The following ZNF804A variants were observed in gnomAD, a reference collection of about 807,000 sequenced individuals.
The protein encoded by ZNF804A is zinc finger protein 804A.
ZNF804A carries 2 observed loss-of-function variants against 16.5 expected under a neutral mutation model. The ratio of observed to expected loss-of-function variants is 0.12; its 90% CI spans 0.05 to 0.38. ZNF804A has a LOEUF of 0.38. ZNF804A is among the 10% of genes least tolerant of loss of function. The pLI is 0.99. For synonymous variants in ZNF804A, 534 were observed against 489.6 expected (o/e 1.09, Z -1.20); for missense variants, 1,473 against 1,390.7 (o/e 1.06, Z -0.94).
At chr2:184,868,808 C>G (rs992617877) in intron 2 of ZNF804A, among the ~76,000 whole-genome samples, 7 of 151,874 alleles carry the variant, frequency 4.6e-5, no homozygotes, top group African/African-American at 1.7e-4. Flanking sequence ...ATACTTAAGA[C>G]AAAGCAAATG....
intron 1 of ZNF804A, among the ~76,000 whole-genome samples, chr2:184,846,350 C>T (rs1327802995): frequency 6.6e-6 from 1 of 152,056 alleles, no homozygotes; most frequent in African/African-American, 2.4e-5. Flanking sequence ...CATTATATGC[C>T]TTTTTTCTAC....
chr2:184,899,863 TTTC>T (rs1358502411), intron 2 of ZNF804A, among the ~76,000 whole-genome samples: 1 of 151,974 alleles, frequency 6.6e-6, no homozygotes. Context: ...GATTGTCGTT[TTTC>T]TAATGTTGCA....
intron 1 of ZNF804A, among the ~76,000 whole-genome samples, chr2:184,796,044 T>A (rs996134016): frequency 7.2e-5 from 11 of 152,106 alleles, no homozygotes; most frequent in Admixed American, 2.6e-4. Flanking sequence ...TGTTATGCCA[T>A]CCCTGTATCC....
intron 1 of ZNF804A, among the ~76,000 whole-genome samples, chr2:184,809,586 A>G (rs1312913409): frequency 1.3e-5 from 2 of 151,848 alleles, no homozygotes; most frequent in Non-Finnish European, 1.5e-5. Flanking sequence ...TGATATGTCA[A>G]TATTTTACTT....
chr2:184,651,279 C>A (rs935263810), intron 1 of ZNF804A, among the ~76,000 whole-genome samples: 3 of 152,020 alleles, frequency 2.0e-5, no homozygotes, highest in Non-Finnish European at 4.4e-5. Context: ...TTTCACCGTA[C>A]ACAAAATTAA....
At chr2:184,716,848 G>A (rs1374416864) in intron 1 of ZNF804A, among the ~76,000 whole-genome samples, 1 of 152,156 alleles carries the variant, frequency 6.6e-6, no homozygotes, top group Admixed American at 6.5e-5. Flanking sequence ...ATTATAACTA[G>A]TGTGAATGGA....
chr2:184,610,247 A>G (rs538133185), intron 1 of ZNF804A, among the ~76,000 whole-genome samples: 1 of 152,356 alleles, frequency 6.6e-6, no homozygotes, highest in African/African-American at 2.4e-5. Context: ...TGGATGTTCC[A>G]GCTTTGACAA....
chr2:184,839,256 A>G (rs1447043744), intron 1 of ZNF804A, among the ~76,000 whole-genome samples: 1 of 152,110 alleles, frequency 6.6e-6, no homozygotes, highest in East Asian at 1.9e-4. Context: ...CTACATGTAT[A>G]CATGCCAATA....
chr2:184,790,597 A>T (rs1694523075), intron 1 of ZNF804A, among the ~76,000 whole-genome samples: 1 of 151,482 alleles, frequency 6.6e-6, no homozygotes, highest in Non-Finnish European at 1.5e-5. Context: ...CTTATTATTT[A>T]TTTTTTATTT....
chr2:184,718,535 C>T (rs1693249856), intron 1 of ZNF804A, among the ~76,000 whole-genome samples: 1 of 152,126 alleles, frequency 6.6e-6, no homozygotes, highest in Admixed American at 6.5e-5. Context: ...TTAGTTACTT[C>T]CTAGATACAA....
chr2:184,674,665 G>C (rs1692391895), intron 1 of ZNF804A, among the ~76,000 whole-genome samples: 2 of 151,680 alleles, frequency 1.3e-5, no homozygotes, highest in South Asian at 4.1e-4. Context: ...GGGCATCACT[G>C]GAGGATATAT....
intron 1 of ZNF804A, among the ~76,000 whole-genome samples, chr2:184,677,261 AG>A (rs1265204862): frequency 1.3e-5 from 2 of 151,886 alleles, no homozygotes; most frequent in Admixed American, 1.3e-4. Context: ...ATTTTTTTCT[AG>A]GTTGTCATTC....
chr2:184,628,031 A>G (rs761737502), intron 1 of ZNF804A, among the ~76,000 whole-genome samples: 3 of 152,132 alleles, frequency 2.0e-5, no homozygotes, highest in African/African-American at 7.2e-5. Context: ...TGTAAAGAAT[A>G]TGGCCGGGCT....
intron 1 of ZNF804A, among the ~76,000 whole-genome samples, chr2:184,686,674 A>G (rs1441966634): frequency 1.3e-5 from 2 of 152,124 alleles, no homozygotes; most frequent in African/African-American, 4.8e-5. Context: ...GTATATAAGT[A>G]TTTCTTTTTC....
At chr2:184,785,763 C>T (rs986132659) in intron 1 of ZNF804A, among the ~76,000 whole-genome samples, 3 of 151,976 alleles carry the variant, frequency 2.0e-5, no homozygotes, top group Non-Finnish European at 4.4e-5. Flanking sequence ...AGATACCACA[C>T]ATAAAATACA....
intron 2 of ZNF804A, among the ~76,000 whole-genome samples, chr2:184,925,086 T>G (rs917418280): frequency 5.3e-5 from 8 of 152,006 alleles, no homozygotes; most frequent in Non-Finnish European, 1.0e-4. Flanking sequence ...CAAAGTTTCT[T>G]TGCTGATTTT....
At chr2:184,744,458 A>G (rs1201300206) in intron 1 of ZNF804A, among the ~76,000 whole-genome samples, 1 of 151,800 alleles carries the variant, frequency 6.6e-6, no homozygotes, top group Non-Finnish European at 1.5e-5. Flanking sequence ...GTGCCCTTAT[A>G]AAAGAGGCCC....
In ZNF804A at chr2:184,936,973, T is replaced by C. The variant is rs775379112; in HGVS notation, c.1577T>C (p.Leu526Pro). 3.1e-6 allele frequency: 5 copies of C among 1,613,842 alleles called. No individual in the cohort carries two copies. The South Asian group carries it at 4.4e-5, about 14-fold the overall frequency. ...AATAAATGCAGCCAAGTCACTCCTC[T>C]TTTGGCTGATGATATTCTCTCCAGT... ...SKNKCSQVTP[L>P]LADDILSSSC... The change falls in exon 4 of 4, where the codon CTT (leucine) becomes CCT (proline). Residue 526 changes from leucine (L) to proline (P), a missense_variant. Transcript: ENST00000302277.
chr2:184,764,854 G>T (rs938546040), intron 1 of ZNF804A, among the ~76,000 whole-genome samples: 4 of 151,868 alleles, frequency 2.6e-5, no homozygotes, highest in Non-Finnish European at 4.4e-5. Flanking sequence ...ATTTCTGAAT[G>T]TTTTAGTCCA....
Sources: allele counts gnomAD v4.1 joint callset (sites outside exome capture counted in the v4.1 genomes callset), GRCh38; gene constraint gnomAD v4.1.1; transcripts MANE v1.5; gene names NCBI Gene and HGNC (gene_info 2026-07-23, HGNC 2026-07-21).